The following PSMD14 variants were observed in gnomAD, a reference collection of about 807,000 sequenced individuals.
PSMD14 encodes ubiquitin C-terminal hydrolase PSMD14.
PSMD14 carries 7 observed loss-of-function variants against 41.2 expected under a neutral mutation model. The ratio of observed to expected loss-of-function variants is 0.17; its 90% CI spans 0.10 to 0.32. PSMD14 has a LOEUF of 0.32. Ranked by LOEUF, PSMD14 falls within the 10% of genes least tolerant of loss-of-function variation. The pLI is 1.00. For synonymous variants in PSMD14, 114 were observed against 122.3 expected (o/e 0.93, Z 0.45); for missense variants, 139 against 375.6 (o/e 0.37, Z 5.21).
At chr2:161,389,562 C>T (rs1683679141) in intron 8 of PSMD14, among the ~76,000 whole-genome samples, 1 of 152,072 alleles carries the variant, frequency 6.6e-6, no homozygotes, top group African/African-American at 2.4e-5. Flanking sequence ...TCACTGCTCC[C>T]TATGGAATTT....
At chr2:161,385,396 G>A in intron 7 of PSMD14, 68 bp from the exon 8 acceptor site, 1 of 788,032 alleles carries the variant, frequency 1.3e-6, no homozygotes, top group Middle Eastern at 2.3e-4. Context: ...ATCATGCCTT[G>A]TCCACTGTTG....
rs35571654 is a variant in PSMD14, at chr2:161,399,382, AAC to A, written c.771+4183_771+4184del. Among the ~76,000 whole-genome samples the A allele has an allele frequency of 9.2e-5, 14 of 152,292 alleles. No individual in the cohort carries two copies. In the East Asian group the frequency reaches 1.5e-3, roughly 17 times the overall value. On this transcript the variant is annotated intron_variant, in intron 10 of 11. Transcript: ENST00000409682. ...AATGGAAGAAAATATTTTTACCTAT[AAC>A]ACAGAGTGAGCTAGTATCCAAAAAT...
At chr2:161,393,550 A>G (rs1378791040) in intron 9 of PSMD14, among the ~76,000 whole-genome samples, 1 of 152,188 alleles carries the variant, frequency 6.6e-6, no homozygotes, top group East Asian at 1.9e-4. Flanking sequence ...TTTGTACCAC[A>G]AATAGCTGTA....
chr2:161,408,762 AT>A, intron 10 of PSMD14, 74 bp from the exon 11 acceptor site: 1 of 1,119,298 alleles, frequency 8.9e-7, no homozygotes, highest in Admixed American at 2.4e-5. Context: ...GGTCATCATT[AT>A]TTTTGGTGAT....
intron 3 of PSMD14, among the ~76,000 whole-genome samples, chr2:161,331,267 T>TA (rs1162176402): frequency 1.1e-4 from 16 of 151,978 alleles, no homozygotes; most frequent in Admixed American, 9.2e-4. Flanking sequence ...AATTTTTTTT[T>TA]TTTTTTTATT....
chr2:161,407,769 T>G (rs1441757996), intron 10 of PSMD14: 1 of 152,054 alleles, frequency 6.6e-6, no homozygotes, highest in Non-Finnish European at 1.5e-5. Flanking sequence ...TCTCACCTCC[T>G]TTTGTAACTC....
intron 3 of PSMD14, among the ~76,000 whole-genome samples, chr2:161,338,808 C>T (rs1682906372): frequency 1.3e-5 from 2 of 152,148 alleles, no homozygotes; most frequent in African/African-American, 2.4e-5. Flanking sequence ...AGTCCCTTTC[C>T]TTGCACTTCT....
intron 7 of PSMD14, among the ~76,000 whole-genome samples, chr2:161,374,330 G>T (rs1388241557): frequency 6.6e-6 from 1 of 151,912 alleles, no homozygotes; most frequent in East Asian, 1.9e-4. Context: ...TTTAAAATGT[G>T]TTGTTCAATT....
In PSMD14 at chr2:161,391,027, A is replaced by G. The variant is rs936499985; in HGVS notation, c.571-77A>G. ...AGGATGGTACAGGTATTATGTAAGA[A>G]TATATCAACAGTTTCAAACATTTTT... On this transcript the variant is annotated intron_variant, in intron 8 of 11. Transcript: ENST00000409682. 18 of 1,286,630 alleles carry G rather than the reference A, an allele frequency of 1.4e-5. No homozygotes were observed. In the Middle Eastern group the frequency reaches 7.3e-4, roughly 52 times the overall value. The allele number at this position is 1,286,630 out of a possible 1,614,324, so 79.7% of individuals were successfully genotyped here. A position where few individuals can be genotyped will look rare whatever the true frequency, so the allele number is the denominator to read the frequency against.
rs181077188 is a variant in PSMD14, at chr2:161,346,117, C to T, written c.49-21361C>T. On this transcript the variant is annotated intron_variant, in intron 3 of 11. Coordinates refer to ENST00000409682, the MANE Select transcript of PSMD14 (RefSeq NM_005805.6). ...AGGCAGTTCTTGAACTCCTGGGCTC[C>T]GGTGATCTGTCCACCTTGGCCTCCC... Among the ~76,000 whole-genome samples, 610 of 152,090 alleles carry T rather than the reference C, an allele frequency of 4.0e-3. 7 individuals carry two copies. Among genetic ancestry groups the T allele is most frequent in the African/African-American group, 0.014 (581 of 41,506 alleles).
At chr2:161,326,729 TCG>T (rs1307811518) in intron 3 of PSMD14, among the ~76,000 whole-genome samples, 1 of 152,224 alleles carries the variant, frequency 6.6e-6, no homozygotes, top group African/African-American at 2.4e-5. Flanking sequence ...GGATTGATTC[TCG>T]GACCTCTGAT....
At chr2:161,312,064 A>G (rs1020172520) in intron 1 of PSMD14, among the ~76,000 whole-genome samples, 4 of 152,214 alleles carry the variant, frequency 2.6e-5, no homozygotes, top group African/African-American at 9.6e-5. Context: ...TGCACAAATA[A>G]GAAAACAGAG....
intron 8 of PSMD14, among the ~76,000 whole-genome samples, chr2:161,390,415 A>AT (rs1683696528): frequency 1.3e-5 from 2 of 152,110 alleles, no homozygotes; most frequent in African/African-American, 4.8e-5. Flanking sequence ...TCAGAGTTAG[A>AT]TATGGGGGCA....
intron 1 of PSMD14, among the ~76,000 whole-genome samples, chr2:161,308,952 A>G (rs901998756): frequency 2.6e-5 from 4 of 152,222 alleles, no homozygotes; most frequent in African/African-American, 9.6e-5. Context: ...GCAGACCGGG[A>G]AAACAAGGGA....
At chr2:161,325,995 T>G (rs1022839111) in intron 3 of PSMD14, among the ~76,000 whole-genome samples, 2 of 152,186 alleles carry the variant, frequency 1.3e-5, no homozygotes, top group Admixed American at 6.5e-5. Flanking sequence ...AAAAAAAATT[T>G]GTACCAAATG....
In PSMD14 at chr2:161,411,515, TC is replaced by T. The variant is rs1432899369; in HGVS notation, c.*116del. On this transcript the variant is annotated 3_prime_UTR_variant, in exon 12 of 12. Coordinates refer to ENST00000409682, the MANE Select transcript of PSMD14 (RefSeq NM_005805.6). The stretch of plus-strand genomic sequence containing the variant: ...TTGGCTAAATGTAAGACATCTGGCA[TC>T]ATTTGCAGCACTGTAACACCTTCAG... The T allele has an allele frequency of 9.6e-5, 57 of 591,704 alleles. No homozygotes were observed. The East Asian group carries it at 1.8e-3, about 19-fold the overall frequency. The allele number at this position is 591,704 out of a possible 1,614,324, so 36.7% of individuals were successfully genotyped here.
At chr2:161,403,087 GTA>G (rs1683902386) in intron 10 of PSMD14, among the ~76,000 whole-genome samples, 1 of 152,170 alleles carries the variant, frequency 6.6e-6, no homozygotes, top group Admixed American at 6.5e-5. Context: ...CAAAAAGCGT[GTA>G]TATGAATGTT....
At chr2:161,403,263 A>G (rs1334925688) in intron 10 of PSMD14, among the ~76,000 whole-genome samples, 1 of 152,192 alleles carries the variant, frequency 6.6e-6, no homozygotes, top group East Asian at 1.9e-4. Flanking sequence ...GACCTCTAAA[A>G]CATGGTAAGT....
intron 8 of PSMD14, among the ~76,000 whole-genome samples, chr2:161,389,613 CTA>C (rs1683679749): frequency 6.6e-6 from 1 of 151,968 alleles, no homozygotes; most frequent in Non-Finnish European, 1.5e-5. Context: ...AAATAAGAAT[CTA>C]TTGTTAAAGT....
Sources: gnomAD v4.1 joint callset for allele counts (sites outside exome capture counted in the v4.1 genomes callset) on GRCh38, gnomAD v4.1.1 for gene constraint, MANE v1.5 for transcripts, NCBI Gene and HGNC (gene_info 2026-07-23, HGNC 2026-07-21) for gene names.